Variants in OPTC observed in about 807,000 individuals in gnomAD.
OPTC encodes the protein oculoglycan.
In OPTC, 22 loss-of-function variants were observed where a neutral mutation model predicts 25.4. The observed-to-expected ratio is 0.87, with a 90% confidence interval of 0.62 to 1.24. The LOEUF (loss-of-function observed/expected upper bound fraction) is 1.24. Among genes scored for constraint, OPTC ranks in the 50% most tolerant of loss-of-function variants. The pLI, the probability that OPTC is intolerant of heterozygous loss-of-function variation, is 0.00. For synonymous variants in OPTC, 169 were observed against 179.3 expected (o/e 0.94, Z 0.46); for missense variants, 417 against 425.2 (o/e 0.98, Z 0.17).
intron 5 of OPTC, among the ~76,000 whole-genome samples, chr1:203,500,642 C>T (rs1008271303): frequency 6.6e-6 from 1 of 152,210 alleles, no homozygotes; most frequent in Non-Finnish European, 1.5e-5. Flanking sequence ...TGAATGGAAA[C>T]AGTACTATCA....
chr1:203,502,254 C>T (rs1357058460), intron 5 of OPTC, among the ~76,000 whole-genome samples: 1 of 152,162 alleles, frequency 6.6e-6, no homozygotes, highest in Non-Finnish European at 1.5e-5. Context: ...AGCACGGTCC[C>T]ATGCACACAC....
intron 3 of OPTC, among the ~76,000 whole-genome samples, chr1:203,497,739 T>TATTGGGGC (rs1236446219): frequency 1.3e-5 from 2 of 151,984 alleles, no homozygotes; most frequent in Non-Finnish European, 2.9e-5. Context: ...GGACCTGGGG[T>TATTGGGGC]ATTGGGGCAT....
chr1:203,500,601 AC>A (rs1357879525), intron 5 of OPTC, among the ~76,000 whole-genome samples: 3 of 152,118 alleles, frequency 2.0e-5, no homozygotes, highest in Admixed American at 2.0e-4. Flanking sequence ...ACTGATTCTG[AC>A]CCAAGAAAAG....
intron 4 of OPTC, among the ~76,000 whole-genome samples, 171 bp from the exon 5 acceptor site, chr1:203,499,478 G>T (rs1290030258): frequency 6.6e-6 from 1 of 152,090 alleles, no homozygotes; most frequent in Non-Finnish European, 1.5e-5. Flanking sequence ...CTTTTCCAAG[G>T]AGTCCTGGTT....
In OPTC at chr1:203,495,949, C is replaced by T. The variant is rs1330631128; in HGVS notation, c.-41-16C>T. Reference sequence around the variant, plus strand: ...TGTCCCTCAGATCGCTGCCCTTCCTCGTGCCCACTTGCCAGGACCAGCCGC... The same window carrying T: ...TGTCCCTCAGATCGCTGCCCTTCCTTGTGCCCACTTGCCAGGACCAGCCGC... On this transcript the variant is annotated splice_polypyrimidine_tract_variant and intron_variant, in intron 1 of 7. Transcript: ENST00000367222. 7.3e-6 allele frequency: 9 copies of T among 1,229,722 alleles called. 1 individual carries two copies. Among genetic ancestry groups the T allele is most frequent in the South Asian group, 5.1e-5 (4 of 77,802 alleles). The allele number at this position is 1,229,722 out of a possible 1,614,324, so 76.2% of individuals were successfully genotyped here.
intron 5 of OPTC, among the ~76,000 whole-genome samples, chr1:203,502,324 T>C (rs916528615): frequency 6.6e-6 from 1 of 152,170 alleles, no homozygotes. Flanking sequence ...CCCGAGTGTC[T>C]GCTCTGTACC....
At chr1:203,494,486 A>C (rs578113700) in intron 1 of OPTC, among the ~76,000 whole-genome samples, 122 of 152,088 alleles carry the variant, frequency 8.0e-4, no homozygotes, top group African/African-American at 2.7e-3. Flanking sequence ...TAAAATTAAG[A>C]AAGGGTGGGG....
chr1:203,505,310 T>C (rs1176694184), intron 7 of OPTC, among the ~76,000 whole-genome samples: 2 of 152,178 alleles, frequency 1.3e-5, no homozygotes, highest in African/African-American at 4.8e-5. Context: ...AAAGGGTATG[T>C]AGAGAATGCT....
At chr1:203,494,371 A>G (rs770691629) in intron 1 of OPTC, among the ~76,000 whole-genome samples, 154 bp downstream of exon 1, 1 of 152,254 alleles carries the variant, frequency 6.6e-6, no homozygotes, top group Non-Finnish European at 1.5e-5. Flanking sequence ...AAACTCTCTT[A>G]GAAAAATTTT....
chr1:203,498,925 G>GC (rs1203576211), intron 4 of OPTC, 86 bp downstream of exon 4: 7 of 1,459,452 alleles, frequency 4.8e-6, no homozygotes, highest in East Asian at 2.3e-5. Flanking sequence ...CTGTGTTAGT[G>GC]CCCCCCGTGT....
At chr1:203,499,881 TCACCTCCACCACCCACCTCTACCACCACC>T (rs1379691480) in intron 5 of OPTC, 30 bp downstream of exon 5, 1 of 1,579,102 alleles carries the variant, frequency 6.3e-7, no homozygotes, top group South Asian at 1.1e-5. Context: ...CCACTATCTA[TCACCTCCACCACCCACCTCTACCACCACC>T]CACCTCCACC....
chr1:203,494,594 A>G (rs1661248718), intron 1 of OPTC, among the ~76,000 whole-genome samples: 1 of 152,188 alleles, frequency 6.6e-6, no homozygotes, highest in Non-Finnish European at 1.5e-5. Context: ...GGCTTCAGTG[A>G]GCTGAGATCA....
chr1:203,494,873 A>G (rs1333531621), intron 1 of OPTC, among the ~76,000 whole-genome samples: 2 of 152,160 alleles, frequency 1.3e-5, no homozygotes, highest in African/African-American at 2.4e-5. Context: ...ACTCACATGC[A>G]TATCACATAC....
chr1:203,505,727 T>G (rs1571603081), intron 7 of OPTC, among the ~76,000 whole-genome samples: 1 of 151,940 alleles, frequency 6.6e-6, no homozygotes, highest in African/African-American at 2.4e-5. Flanking sequence ...TGGTGGGAGG[T>G]GACTTCATGC....
Position 203,496,123 on chromosome 1 carries a change from T to A in OPTC, c.118T>A (p.Ser40Thr), listed in dbSNP as rs1258187567. 6.2e-7 allele frequency: 1 copy of A among 1,613,930 alleles called. No homozygotes were observed. The highest frequency in any genetic ancestry group is 8.5e-7 in the Non-Finnish European group (1 of 1,179,978). Residue 40 changes from serine to threonine, a missense_variant, in exon 2 of 8, where the codon TCC (serine) becomes ACC (threonine). By Grantham distance (58) the Ser-to-Thr change is moderately conservative. Transcript: ENST00000367222. ...REEQMPREGD[S>T]FEVLPLRNDV... ...GGAGCAGATGCCCAGGGAAGGCGAT[T>A]CCTTTGAAGTTCTGCCTCTGCGGAA...
At position 203,502,931 on chromosome 1, in the gene OPTC, G is replaced by A. The variant is rs1661413795; in HGVS notation, c.750G>A (p.Gln250=). 6.2e-7 allele frequency: 1 copy of A among 1,613,966 alleles called. No individual in the cohort carries two copies. The highest frequency in any genetic ancestry group is 8.5e-7 in the Non-Finnish European group (1 of 1,180,008). The change falls in exon 6 of 8, where the codon CAG becomes CAA. Residue 250 remains glutamine, a synonymous_variant. Transcript: ENST00000367222. ...CTCCACAGGCAATGGAGAAGCTGCA[G>A]TTCCTTTACCTGTCAGACAACCTGC... ...PAAFRAMEKL[Q]FLYLSDNLLD... is the part of the protein sequence containing the mutation.
chr1:203,496,098 G>T lies in OPTC; in HGVS notation c.93G>T (p.Glu31Asp). 1 of 1,614,100 alleles carries T rather than the reference G, an allele frequency of 6.2e-7. No homozygotes were observed. Among genetic ancestry groups the T allele is most frequent in the Non-Finnish European group, 8.5e-7 (1 of 1,179,966 alleles). Residue 31 changes from glutamate (E) to aspartate (D), a missense_variant, in exon 2 of 8, where the codon GAG becomes GAT. Physicochemically the swap from Glu to Asp is conservative, Grantham distance 45. Transcript: ENST00000367222. ...CAAGGAAGGAGAGGAAGAGGAGAGA[G>T]GAGCAGATGCCCAGGGAAGGCGATT... Reference protein sequence around the residue: ...SLPRKERKRREEQMPREGDSF... With the variant: ...SLPRKERKRRDEQMPREGDSF...
chr1:203,503,007 C>CTT lies in OPTC; in HGVS notation c.826_827insTT (p.Gln276LeufsTer5). On this transcript the variant is annotated frameshift_variant and splice_region_variant, in exon 6 of 8. Transcript: ENST00000367222. LOFTEE classifies it high-confidence loss of function. ...CCTGAGCCTGCGCTCTGTACACCTG[C>CTT]AGGTAAGGAGCACCACCCAGAGCAA... 6 of 1,611,642 alleles carry CTT rather than the reference C, an allele frequency of 3.7e-6. No homozygotes were observed. Among genetic ancestry groups the CTT allele is most frequent in the Non-Finnish European group, 5.1e-6 (6 of 1,178,198 alleles).
Position 203,499,735 on chromosome 1 carries a change from C to G in OPTC, c.616C>G (p.Leu206Val). 6.2e-7 allele frequency: 1 copy of G among 1,613,408 alleles called. No individual in the cohort carries two copies. The change falls in exon 5 of 8, where the codon CTC (leucine) becomes GTC (valine). Residue 206 changes from leucine to valine, a missense_variant. Transcript: ENST00000367222. ...CCGCCTGCTACATGCCCTCCAGGAC[C>G]TCATCCTCCCAGAGAACCAGTTGGA... ...AFRLLHALQD[L>V]ILPENQLEAL...
Sources: gnomAD v4.1 joint callset for allele counts (sites outside exome capture counted in the v4.1 genomes callset) on GRCh38, gnomAD v4.1.1 for gene constraint, MANE v1.5 for transcripts, NCBI Gene and HGNC (gene_info 2026-07-23, HGNC 2026-07-21) for gene names.